CECR2: variants seen among roughly 807,000 people sequenced by gnomAD.
CECR2 encodes the protein CECR2 histone acetyl-lysine reader.
Under a neutral mutation model 154.5 loss-of-function variants are expected in CECR2, and 30 were observed. The ratio of observed to expected loss-of-function variants is 0.19; its 90% confidence interval spans 0.15 to 0.26. The LOEUF is 0.26. Ranked by LOEUF, CECR2 falls within the 10% of genes least tolerant of loss-of-function variation. The pLI is 1.00. For missense variants in CECR2, 1,743 were observed against 1,829.3 expected (o/e 0.95, Z 0.86); for synonymous variants, 725 against 683.7 (o/e 1.06, Z -0.94).
At position 17,548,446 on chromosome 22, in the gene CECR2, C is replaced by A. The variant is rs1475819590; in HGVS notation, c.3159C>A (p.Ser1053=). The A allele has an allele frequency of 6.2e-7, 1 of 1,613,994 alleles. No homozygotes were observed. The highest frequency in any genetic ancestry group is 8.5e-7 in the Non-Finnish European group (1 of 1,179,896). The change falls in exon 17 of 19, where the codon TCC becomes TCA. Residue 1053 remains serine, a synonymous_variant. Transcript: ENST00000262608. The part of the protein sequence containing the change: ...LSTVADRGAL[S]ENGVIGEASP... ...CGGTGGCAGACAGGGGCGCTCTATCCGAGAACGGAGTCATTGGGGAAGCAT... is the reference window on the plus strand; with the variant it reads ...CGGTGGCAGACAGGGGCGCTCTATCAGAGAACGGAGTCATTGGGGAAGCAT...
chr22:17,411,944 C>T (rs2054073826), intron 1 of CECR2, among the ~76,000 whole-genome samples: 1 of 152,086 alleles, frequency 6.6e-6, no homozygotes, highest in African/African-American at 2.4e-5. Flanking sequence ...CATGCTGTCA[C>T]TTATGCCCTG....
intron 1 of CECR2, among the ~76,000 whole-genome samples, chr22:17,454,997 C>T (rs1036889031): frequency 2.0e-5 from 3 of 152,188 alleles, no homozygotes; most frequent in Admixed American, 6.5e-5. Flanking sequence ...CTGCTGTGTC[C>T]GGTTTCCATT....
chr22:17,542,920 C>T lies in CECR2; in HGVS notation c.2777C>T (p.Thr926Ile), dbSNP rs765766105. Reference protein sequence around the residue: ...FPQVAHPMSVTVSAPKPALGN... With the variant: ...FPQVAHPMSVIVSAPKPALGN... Reference sequence around the variant, plus strand: ...CAGGTAGCTCACCCAATGTCAGTCACTGTGTCAGCCCCCAAGCCTGCCCTG... The same window carrying T: ...CAGGTAGCTCACCCAATGTCAGTCATTGTGTCAGCCCCCAAGCCTGCCCTG... Residue 926 changes from threonine to isoleucine, a missense_variant, in exon 16 of 19, where the codon ACT becomes ATT. Physicochemically the swap from Thr to Ile is moderately conservative, Grantham distance 89. Transcript: ENST00000262608. The T allele has an allele frequency of 6.8e-6, 11 of 1,613,864 alleles. No individual in the cohort carries two copies. Among genetic ancestry groups the T allele is most frequent in the Admixed American group, 6.7e-5 (4 of 59,998 alleles).
intron 1 of CECR2, among the ~76,000 whole-genome samples, chr22:17,384,183 A>C (rs1227129161): frequency 1.3e-5 from 2 of 152,182 alleles, no homozygotes; most frequent in African/African-American, 2.4e-5. Flanking sequence ...GAGAGGTTCT[A>C]AATTTGCTTT....
chr22:17,525,817 CATTTT>C (rs761652998), intron 9 of CECR2, among the ~76,000 whole-genome samples: 43 of 152,082 alleles, frequency 2.8e-4, no homozygotes, highest in Non-Finnish European at 5.4e-4. Flanking sequence ...GTACACCTGT[CATTTT>C]AATTTATATA....
chr22:17,486,524 G>C (rs1010695870), intron 2 of CECR2, among the ~76,000 whole-genome samples: 1 of 152,292 alleles, frequency 6.6e-6, no homozygotes, highest in East Asian at 1.9e-4. Flanking sequence ...CTTGGATGAA[G>C]CGTCAGCCAC....
At chr22:17,382,024 A>G (rs2063199762) in intron 1 of CECR2, among the ~76,000 whole-genome samples, 1 of 149,340 alleles carries the variant, frequency 6.7e-6, no homozygotes, top group African/African-American at 2.5e-5. Context: ...AGTAGCTGGG[A>G]CTACAGGCGC....
intron 1 of CECR2, among the ~76,000 whole-genome samples, chr22:17,423,079 GT>G: frequency 6.6e-6 from 1 of 152,246 alleles, no homozygotes; most frequent in Non-Finnish European, 1.5e-5. Context: ...GTGCCTTGCA[GT>G]TTTTCTTGGT....
intron 1 of CECR2, among the ~76,000 whole-genome samples, chr22:17,446,544 C>G (rs868715724): frequency 5.3e-5 from 8 of 151,944 alleles, no homozygotes; most frequent in South Asian, 2.1e-4. Flanking sequence ...GGTGAAACCC[C>G]GTCTCTACTA....
intron 2 of CECR2, among the ~76,000 whole-genome samples, chr22:17,491,128 T>G (rs2055521852): frequency 1.3e-5 from 2 of 152,246 alleles, no homozygotes; most frequent in South Asian, 4.1e-4. Context: ...CATGGGTATG[T>G]ACGCAGATTT....
chr22:17,550,866 T>C (rs989499052), intron 17 of CECR2, among the ~76,000 whole-genome samples: 2 of 151,754 alleles, frequency 1.3e-5, no homozygotes, highest in Non-Finnish European at 2.9e-5. Flanking sequence ...GGCGTGAACC[T>C]GGGAGGCGGA....
At chr22:17,372,444 TC>T (rs1429542497) in intron 1 of CECR2, among the ~76,000 whole-genome samples, 1 of 152,184 alleles carries the variant, frequency 6.6e-6, no homozygotes, top group East Asian at 1.9e-4. Flanking sequence ...GGTGGGTCGA[TC>T]ACCTGAAGTC....
intron 9 of CECR2, among the ~76,000 whole-genome samples, chr22:17,535,644 A>C (rs1213247827): frequency 6.6e-6 from 1 of 151,798 alleles, no homozygotes; most frequent in Non-Finnish European, 1.5e-5. Context: ...GTATTCATTA[A>C]TTTACAGTTT....
At chr22:17,401,774 G>C (rs2053895988) in intron 1 of CECR2, among the ~76,000 whole-genome samples, 2 of 151,924 alleles carry the variant, frequency 1.3e-5, no homozygotes, top group Admixed American at 6.6e-5. Context: ...CGTTTCTCTT[G>C]GGTAAGTACC....
chr22:17,545,764 AC>A (rs1191215514), intron 16 of CECR2, among the ~76,000 whole-genome samples: 5 of 148,542 alleles, frequency 3.4e-5, no homozygotes, highest in African/African-American at 1.2e-4. Context: ...AATCGCTTGA[AC>A]CCGGGAGGCT....
chr22:17,423,282 A>G (rs1257466237), intron 1 of CECR2, among the ~76,000 whole-genome samples: 2 of 151,952 alleles, frequency 1.3e-5, no homozygotes, highest in African/African-American at 4.8e-5. Flanking sequence ...GCTAGACTGG[A>G]CTGGAGTTGG....
At chr22:17,498,264 G>A (rs991063915) in intron 3 of CECR2, among the ~76,000 whole-genome samples, 1 of 152,102 alleles carries the variant, frequency 6.6e-6, no homozygotes, top group Non-Finnish European at 1.5e-5. Flanking sequence ...GGTGGCAGGC[G>A]CCTGTAGTCC....
At chr22:17,462,776 G>T (rs1456880788) in intron 1 of CECR2, among the ~76,000 whole-genome samples, 1 of 152,142 alleles carries the variant, frequency 6.6e-6, no homozygotes, top group Non-Finnish European at 1.5e-5. Context: ...AGCTGGGTGT[G>T]GTGGCGAGCA....
At chr22:17,450,923 A>T (rs1356386598) in intron 1 of CECR2, among the ~76,000 whole-genome samples, 1 of 152,106 alleles carries the variant, frequency 6.6e-6, no homozygotes, top group African/African-American at 2.4e-5. Flanking sequence ...TCATACCTGG[A>T]TTATTACAGT....
Sources: gnomAD v4.1 joint callset for allele counts (sites outside exome capture counted in the v4.1 genomes callset) on GRCh38, gnomAD v4.1.1 for gene constraint, MANE v1.5 for transcripts, NCBI Gene and HGNC (gene_info 2026-07-23, HGNC 2026-07-21) for gene names.